Variants in MAPKAP1 observed in about 807,000 individuals in gnomAD.
MAPKAP1 encodes MAPK associated protein 1, also known as target of rapamycin complex 2 subunit MAPKAP1.
MAPKAP1 carries 20 observed loss-of-function variants against 65.7 expected under a neutral mutation model. That is an observed-to-expected ratio of 0.30 (90% confidence interval 0.21 to 0.44). MAPKAP1 has a LOEUF of 0.44. Ranked by LOEUF, MAPKAP1 falls within the 20% of genes least tolerant of loss-of-function variation. MAPKAP1 has a pLI of 1.00. For synonymous variants in MAPKAP1, 222 were observed against 244.3 expected, an observed-to-expected ratio of 0.91 and a Z score of 0.85; for missense variants, 423 against 648.0, an observed-to-expected ratio of 0.65 and a Z score of 3.77.
chr9:125,479,904 G>C (rs945651111), intron 9 of MAPKAP1, among the ~76,000 whole-genome samples: 1 of 152,208 alleles, frequency 6.6e-6, no homozygotes, highest in Admixed American at 6.5e-5. Flanking sequence ...ATTGACACAG[G>C]ATGGACAGGT....
At chr9:125,645,299 C>A (rs951235621) in intron 4 of MAPKAP1, among the ~76,000 whole-genome samples, 10 of 152,114 alleles carry the variant, frequency 6.6e-5, no homozygotes, top group Non-Finnish European at 1.3e-4. Flanking sequence ...CTGTGGCCAG[C>A]CTCAAGTAAA....
intron 4 of MAPKAP1, 39 bp from the exon 5 acceptor site, chr9:125,585,766 C>A: frequency 6.3e-7 from 1 of 1,597,294 alleles, no homozygotes; most frequent in South Asian, 1.1e-5. Flanking sequence ...AAGCACACTG[C>A]CAGTTATACA....
intron 1 of MAPKAP1, among the ~76,000 whole-genome samples, chr9:125,704,469 C>G (rs1006079494): frequency 6.6e-6 from 1 of 152,166 alleles, no homozygotes; most frequent in African/African-American, 2.4e-5. Context: ...TATGGTTCAC[C>G]TGCACACACA....
At chr9:125,583,076 T>G (rs1831672375) in intron 5 of MAPKAP1, among the ~76,000 whole-genome samples, 1 of 152,236 alleles carries the variant, frequency 6.6e-6, no homozygotes, top group African/African-American at 2.4e-5. Flanking sequence ...TGGTTCTATT[T>G]CTAGTCCACC....
At chr9:125,469,316 A>G (rs1221187409) in intron 9 of MAPKAP1, among the ~76,000 whole-genome samples, 1 of 152,216 alleles carries the variant, frequency 6.6e-6, no homozygotes, top group African/African-American at 2.4e-5. Context: ...GTAAGCCAAA[A>G]GCAGCAGCAG....
Position 125,672,487 on chromosome 9 carries a change from C to T in MAPKAP1, c.88G>A (p.Val30Ile). 6.2e-7 allele frequency: 1 copy of T among 1,614,160 alleles called. No individual in the cohort carries two copies. The highest frequency in any genetic ancestry group is 8.5e-7 in the Non-Finnish European group (1 of 1,180,014). The stretch of plus-strand genomic sequence containing the variant: ...AGGTCAACATCATGATCAATGAGAA[C>T]CATCTCACACATTCCCGTGTCATCA... ...TSDDTGMCEM[V>I]LIDHDVDLEK... Residue 30 changes from valine (V) to isoleucine (I), a missense_variant, in exon 2 of 12, where the codon GTT (valine) becomes ATT (isoleucine). Physicochemically the swap from Val to Ile is conservative, Grantham distance 29. Transcript: ENST00000265960.
intron 4 of MAPKAP1, among the ~76,000 whole-genome samples, chr9:125,653,749 G>A (rs1459896031): frequency 6.6e-6 from 1 of 152,188 alleles, no homozygotes. Context: ...TTTATTAAAC[G>A]ACACTGCCTC....
chr9:125,670,502 A>T (rs1440968006), intron 2 of MAPKAP1, among the ~76,000 whole-genome samples: 1 of 152,208 alleles, frequency 6.6e-6, no homozygotes, highest in Non-Finnish European at 1.5e-5. Flanking sequence ...GTCAAATCTT[A>T]AAAAGAACAA....
intron 7 of MAPKAP1, among the ~76,000 whole-genome samples, chr9:125,511,912 T>C (rs1040710824): frequency 2.0e-5 from 3 of 152,180 alleles, no homozygotes; most frequent in Non-Finnish European, 4.4e-5. Context: ...GGCATTCCAA[T>C]GATGTATTTA....
intron 7 of MAPKAP1, among the ~76,000 whole-genome samples, chr9:125,535,143 C>T (rs1019081368): frequency 2.0e-5 from 3 of 152,206 alleles, no homozygotes; most frequent in African/African-American, 7.2e-5. Context: ...ACCCTCTGCC[C>T]TCTTCCTGCT....
chr9:125,440,031 AAGGG>A (rs1852423640), intron 11 of MAPKAP1, among the ~76,000 whole-genome samples: 1 of 152,188 alleles, frequency 6.6e-6, no homozygotes, highest in African/African-American at 2.4e-5. Flanking sequence ...GGCACGCCAC[AAGGG>A]AGTGTCCCTG....
intron 7 of MAPKAP1, among the ~76,000 whole-genome samples, chr9:125,515,368 AAC>A (rs1829429670): frequency 6.6e-6 from 1 of 152,154 alleles, no homozygotes; most frequent in Non-Finnish European, 1.5e-5. Context: ...GGCCCATTCC[AAC>A]TTTTATCTTT....
chr9:125,689,720 C>CAAGAGCAAA, intron 1 of MAPKAP1, among the ~76,000 whole-genome samples: 1 of 137,192 alleles, frequency 7.3e-6, no homozygotes. Context: ...GCCTGGGCGA[C>CAAGAGCAAA]AGAGTGAGAC....
chr9:125,626,348 G>A (rs1833118452), intron 4 of MAPKAP1, among the ~76,000 whole-genome samples: 1 of 152,182 alleles, frequency 6.6e-6, no homozygotes, highest in Non-Finnish European at 1.5e-5. Flanking sequence ...AAACAGGTCT[G>A]GGGGCTCTAG....
chr9:125,630,360 G>A (rs1032295219), intron 4 of MAPKAP1, among the ~76,000 whole-genome samples: 3 of 151,766 alleles, frequency 2.0e-5, no homozygotes, highest in African/African-American at 7.3e-5. Flanking sequence ...TTGAAATCCT[G>A]GGCTCAAGTG....
intron 4 of MAPKAP1, among the ~76,000 whole-genome samples, chr9:125,636,115 A>C (rs1457518419): frequency 6.6e-6 from 1 of 152,186 alleles, no homozygotes; most frequent in Non-Finnish European, 1.5e-5. Context: ...CCTATTCCCA[A>C]GTCTTCCTCC....
chr9:125,571,258 C>T (rs1387798685), intron 5 of MAPKAP1, among the ~76,000 whole-genome samples: 2 of 152,124 alleles, frequency 1.3e-5, no homozygotes, highest in Non-Finnish European at 2.9e-5. Context: ...ACAGAAGTAA[C>T]CAAATTTCCT....
At chr9:125,637,963 G>A (rs1273030134) in intron 4 of MAPKAP1, among the ~76,000 whole-genome samples, 2 of 152,094 alleles carry the variant, frequency 1.3e-5, no homozygotes, top group African/African-American at 2.4e-5. Flanking sequence ...GGTAGAGACG[G>A]GTTTCACCAT....
At chr9:125,529,193 AAAAG>A (rs1433672734) in intron 7 of MAPKAP1, among the ~76,000 whole-genome samples, 10 of 141,400 alleles carry the variant, frequency 7.1e-5, no homozygotes, top group South Asian at 4.5e-4. Flanking sequence ...AAAAAAAAAA[AAAAG>A]AAAGAAAGAA....
Sources: allele counts gnomAD v4.1 joint callset (sites outside exome capture counted in the v4.1 genomes callset), GRCh38; gene constraint gnomAD v4.1.1; transcripts MANE v1.5; gene names NCBI Gene and HGNC (gene_info 2026-07-23, HGNC 2026-07-21).